Variants in TJP1 observed in about 807,000 individuals in gnomAD.
TJP1 encodes tight junction protein ZO-1.
TJP1 carries 43 observed loss-of-function variants against 194.2 expected under a neutral mutation model. That is an observed-to-expected ratio of 0.22 (90% CI 0.17 to 0.29). The LOEUF (loss-of-function observed/expected upper bound fraction) is 0.29, where lower values mean the gene tolerates loss of function less well. Among genes scored for constraint, TJP1 ranks in the 10% least tolerant of loss-of-function variants. The pLI, the probability that TJP1 is intolerant of heterozygous loss-of-function variation, is 1.00. For missense variants in TJP1, 1,971 were observed against 2,185.7 expected (o/e 0.90, Z 1.96); for synonymous variants, 801 against 779.0 (o/e 1.03, Z -0.47).
At chr15:29,757,379 T>C (rs146886120) in intron 8 of TJP1, among the ~76,000 whole-genome samples, 10 of 152,290 alleles carry the variant, frequency 6.6e-5, no homozygotes, top group Admixed American at 2.0e-4. Context: ...TCTTTAAAGA[T>C]AATTTACATA....
chr15:29,822,641 AC>A (rs1208166469), upstream of TJP1: 1 of 246,316 alleles, frequency 4.1e-6, no homozygotes. Context: ...AACCCAAGTA[AC>A]TTGGAAGACA....
At chr15:29,848,223 A>T (rs1363234458) in intron 2 of TJP1, among the ~76,000 whole-genome samples, 1 of 151,720 alleles carries the variant, frequency 6.6e-6, no homozygotes, top group Non-Finnish European at 1.5e-5. Context: ...GATGTTAATC[A>T]GATCCTCTTA....
In TJP1 at chr15:29,718,497, C is replaced by T. The variant is rs371242439; in HGVS notation, c.3645G>A (p.Glu1215=). Residue 1215 remains glutamate (E), a synonymous_variant, in exon 21 of 28, where the codon GAG becomes GAA. Coordinates refer to ENST00000614355, the MANE Select transcript of TJP1 (RefSeq NM_001330239.4). ...QGFTSRAGHF[E]PLHGAAAVPP... ...GGACAGCTGCAGCACCATGGAGAGG[C>T]TCAAAATGACCTGCTCTAGAGGTAA... 13 of 1,614,042 alleles carry T rather than the reference C, an allele frequency of 8.1e-6. No individual in the cohort carries two copies. Among genetic ancestry groups the T allele is most frequent in the Non-Finnish European group, 1.1e-5 (13 of 1,180,042 alleles).
intron 2 of TJP1, among the ~76,000 whole-genome samples, chr15:29,949,426 A>C (rs1307377304): frequency 3.2e-3 from 196 of 60,772 alleles, no homozygotes; most frequent in Non-Finnish European, 3.8e-3. Context: ...CTACCTCCAC[A>C]ACCACCACCT....
At chr15:29,914,044 G>A (rs988999874) in intron 2 of TJP1, among the ~76,000 whole-genome samples, 15 of 152,086 alleles carry the variant, frequency 9.9e-5, no homozygotes, top group African/African-American at 2.9e-4. Context: ...TCAGGGGGAT[G>A]GTATCTGCCT....
At chr15:29,924,817 G>T (rs1718985) in intron 2 of TJP1, among the ~76,000 whole-genome samples, 36 of 152,022 alleles carry the variant, frequency 2.4e-4, no homozygotes, top group African/African-American at 8.2e-4. Flanking sequence ...TTTGCAAGTC[G>T]GCTGCAGTTA....
In TJP1 at chr15:29,734,368, A is replaced by G. The variant is rs970537983; in HGVS notation, c.1422T>C (p.Asp474=). 4 of 1,611,628 alleles carry G rather than the reference A, an allele frequency of 2.5e-6. No homozygotes were observed. Among genetic ancestry groups the G allele is most frequent in the Non-Finnish European group, 2.5e-6 (3 of 1,178,666 alleles). The stretch of plus-strand genomic sequence containing the variant: ...CTTCTTCTCTTATGATATTTGTAAA[A>G]TCTACGTTGTTTACCTAATAAATAA... The part of the protein sequence containing the change: ...GDQILRVNNV[D]FTNIIREEAV... The change falls in exon 12 of 28, where the codon GAT becomes GAC. Residue 474 remains aspartate, a synonymous_variant. Transcript: ENST00000614355.
chr15:29,701,714 C>T, intron 27 of TJP1, 25 bp from the exon 28 acceptor site: 3 of 1,567,078 alleles, frequency 1.9e-6, no homozygotes, highest in South Asian at 2.2e-5. Flanking sequence ...AAGTTGATGT[C>T]ATTTACAGTT....
rs191233116 is a variant in TJP1 at position 29,946,592 on chromosome 15, T to C, written c.306+9640A>G. On this transcript the variant is annotated intron_variant, in intron 2 of 28. Transcript: ENST00000356107. ...AATCTGCTCATGAAGAAACACTCGATGGACCCAGGCTGAAAATTCTTTAAA... is the reference window on the plus strand; with the variant it reads ...AATCTGCTCATGAAGAAACACTCGACGGACCCAGGCTGAAAATTCTTTAAA... Among the ~76,000 whole-genome samples the C allele has an allele frequency of 2.8e-3, 419 of 152,328 alleles. 3 individuals carry two copies. Among genetic ancestry groups the C allele is most frequent in the Non-Finnish European group, 4.0e-3 (270 of 68,026 alleles).
chr15:29,774,574 C>T (rs2046896359), intron 2 of TJP1, among the ~76,000 whole-genome samples: 1 of 151,616 alleles, frequency 6.6e-6, no homozygotes, highest in Admixed American at 6.6e-5. Flanking sequence ...AGACAAAAAC[C>T]TGAATGGTGG....
At chr15:29,759,973 G>A (rs1179497430) in intron 8 of TJP1, 4 of 469,754 alleles carry the variant, frequency 8.5e-6, no homozygotes, top group Non-Finnish European at 1.5e-5. Context: ...CTTTGGATAT[G>A]TACCCAGAAG....
At chr15:29,860,948 C>T (rs193196062) in intron 2 of TJP1, among the ~76,000 whole-genome samples, 2 of 152,300 alleles carry the variant, frequency 1.3e-5, no homozygotes, top group South Asian at 2.1e-4. Flanking sequence ...ATAGACTACA[C>T]TATAGTGTAA....
intron 2 of TJP1, among the ~76,000 whole-genome samples, chr15:29,830,160 C>A (rs1368388263): frequency 6.6e-6 from 1 of 151,810 alleles, no homozygotes; most frequent in East Asian, 1.9e-4. Flanking sequence ...ATGAAAGTGG[C>A]ACTGTAAAAA....
At position 29,708,912 on chromosome 15, in the gene TJP1, A is replaced by G. The variant is rs1223539006; in HGVS notation, c.4497T>C (p.Tyr1499=). 1.4e-5 allele frequency: 22 copies of G among 1,614,104 alleles called. No individual in the cohort carries two copies. Among genetic ancestry groups the G allele is most frequent in the Non-Finnish European group, 1.9e-5 (22 of 1,180,036 alleles). ...NREDTAQAAF[Y]PQKSFPDKAP... ...CTTTATCTGGAAAACTTTTCTGGGG[A>G]TAGAAAGCTGCCTGAGCAGTATCTT... is the stretch of plus-strand genomic sequence containing the variant. The change falls in exon 25 of 28, where the codon TAT becomes TAC. Residue 1499 remains tyrosine (Y), a synonymous_variant. Transcript: ENST00000614355.
intron 2 of TJP1, among the ~76,000 whole-genome samples, chr15:29,873,563 C>T (rs2052598459): frequency 1.3e-5 from 2 of 152,162 alleles, no homozygotes; most frequent in Non-Finnish European, 2.9e-5. Context: ...ATATGGAGAG[C>T]TATTCTTTTA....
Position 29,730,877 on chromosome 15 carries a change from G to C in TJP1, c.2017+1556C>G, listed in dbSNP as rs547331367. ...AGAAGGGAGAGAAGGTACCCAAAGG[G>C]AAAAAGGGAAAAGCTGATGCTGGCA... On this transcript the variant is annotated intron_variant, in intron 15 of 27. Transcript: ENST00000614355. The C allele has an allele frequency of 2.4e-6, 3 of 1,245,122 alleles. No individual in the cohort carries two copies. The East Asian group carries it at 6.9e-5, about 29-fold the overall frequency. The allele number at this position is 1,245,122 out of a possible 1,614,324, so 77.1% of individuals were successfully genotyped here. A position where few individuals can be genotyped will look rare whatever the true frequency, so the allele number is the denominator to read the frequency against.
chr15:29,772,978 G>A (rs1156565809), intron 3 of TJP1, among the ~76,000 whole-genome samples: 1 of 151,994 alleles, frequency 6.6e-6, no homozygotes, highest in Non-Finnish European at 1.5e-5. Context: ...GCATTGCCCA[G>A]GCTGGTCTCA....
chr15:29,756,623 C>G (rs1395784459), intron 8 of TJP1, among the ~76,000 whole-genome samples: 1 of 152,136 alleles, frequency 6.6e-6, no homozygotes, highest in Non-Finnish European at 1.5e-5. Flanking sequence ...TCAGAATTCT[C>G]TCCATATGTT....
chr15:29,761,914 T>A, intron 6 of TJP1, 145 bp from the exon 7 acceptor site: 1 of 776,152 alleles, frequency 1.3e-6, no homozygotes, highest in Non-Finnish European at 1.9e-6. Context: ...TGTCAAAGTA[T>A]TCCACCTTCT....
Sources: allele counts gnomAD v4.1 joint callset (sites outside exome capture counted in the v4.1 genomes callset), GRCh38; gene constraint gnomAD v4.1.1; transcripts MANE v1.5; gene names NCBI Gene and HGNC (gene_info 2026-07-23, HGNC 2026-07-21).